CELF2: variants seen among roughly 807,000 people sequenced by gnomAD.
The protein encoded by CELF2 is CUGBP Elav-like family member 2.
CELF2 carries 8 observed loss-of-function variants against 62.6 expected under a neutral mutation model. That is an observed-to-expected ratio of 0.13 (90% CI 0.07 to 0.23). CELF2 has a LOEUF of 0.23. CELF2 is among the 10% of genes least tolerant of loss of function. CELF2 has a pLI of 1.00. For missense variants in CELF2, 333 were observed against 671.0 expected (o/e 0.50, Z 5.56); for synonymous variants, 258 against 250.0 (o/e 1.03, Z -0.30).
intron 2 of CELF2, among the ~76,000 whole-genome samples, chr10:11,166,055 C>G (rs530713035): frequency 6.6e-6 from 1 of 152,232 alleles, no homozygotes; most frequent in Non-Finnish European, 1.5e-5. Context: ...ACTCTTCCCA[C>G]CCCTACGTTC....
chr10:11,279,167 G>A (rs947312907), intron 8 of CELF2, among the ~76,000 whole-genome samples: 9 of 152,216 alleles, frequency 5.9e-5, no homozygotes, highest in African/African-American at 2.2e-4. Flanking sequence ...AGGTTCTGAA[G>A]CTGCGGCGGA....
the CELF2 span, among the ~76,000 whole-genome samples, chr10:10,746,660 T>C: frequency 4.3e-4 from 66 of 152,194 alleles, no homozygotes; most frequent in African/African-American, 1.5e-3. Context: ...CTTGATTTGG[T>C]GGAAACCTGT....
chr10:10,658,881 A>G, the CELF2 span, among the ~76,000 whole-genome samples: 1 of 152,148 alleles, frequency 6.6e-6, no homozygotes, highest in African/African-American at 2.4e-5. Context: ...GAGAATATCT[A>G]GGTCTTTTTT....
rs906051389 is a variant in CELF2 at position 11,270,033 on chromosome 10, G to A, written c.619-633G>A. On this transcript the variant is annotated intron_variant, in intron 6 of 12. Coordinates refer to ENST00000633077, the MANE Select transcript of CELF2 (RefSeq NM_001326342.2). This position sits in a 1 kb window ranked among gnomAD's most constrained non-coding sequence, Gnocchi z 5.8. ...TAGCACAGGTGTGCTGAGGGAAGAG[G>A]CCTCTCTGAAAACGTGAACGGTTAC... 3.3e-5 allele frequency among the ~76,000 whole-genome samples: 5 copies of A among 152,150 alleles called. No individual in the cohort carries two copies. The highest frequency in any genetic ancestry group is 1.2e-4 in the African/African-American group (5 of 41,426).
At chr10:10,533,846 G>A in the CELF2 span, among the ~76,000 whole-genome samples, 10 of 152,274 alleles carry the variant, frequency 6.6e-5, 1 homozygote, top group South Asian at 1.9e-3. Flanking sequence ...GAGAGCTGAG[G>A]CACACAGATA....
chr10:10,481,638 A>T, the CELF2 span, among the ~76,000 whole-genome samples: 8 of 152,366 alleles, frequency 5.3e-5, no homozygotes, highest in Admixed American at 4.6e-4. Context: ...TTTGAATGAC[A>T]TATGACATTA....
chr10:11,009,069 A>G (rs933241113), intron 1 of CELF2, among the ~76,000 whole-genome samples: 2 of 145,384 alleles, frequency 1.4e-5, no homozygotes, highest in Non-Finnish European at 1.5e-5. Flanking sequence ...TTGTTCCTGG[A>G]TATGGGATTC....
At chr10:10,497,131 G>A in the CELF2 span, among the ~76,000 whole-genome samples, 31 of 151,406 alleles carry the variant, frequency 2.0e-4, no homozygotes, top group African/African-American at 7.3e-4. Context: ...GTTGCAATGA[G>A]CCGAGATCGC....
chr10:11,318,619 C>G lies in CELF2; in HGVS notation c.1097-2570C>G. On this transcript the variant is annotated intron_variant, in intron 10 of 12. Transcript: ENST00000633077. The surrounding 1 kb of genome is among the most constrained non-coding windows in gnomAD (Gnocchi z 5.4). ...TGTCACTGGCTGGAGCTCCAAGCCT[C>G]ACAATACCCTCTGAAACATCCATCC... is the stretch of plus-strand genomic sequence containing the variant. The G allele has an allele frequency of 2.6e-6, 1 of 382,066 alleles. No individual in the cohort carries two copies. The allele number at this position is 382,066 out of a possible 1,614,324, so 23.7% of individuals were successfully genotyped here.
At chr10:11,050,860 C>A (rs1015713888) in intron 1 of CELF2, among the ~76,000 whole-genome samples, 1 of 152,184 alleles carries the variant, frequency 6.6e-6, no homozygotes, top group Non-Finnish European at 1.5e-5. Flanking sequence ...AGCACAGGCC[C>A]TCTCCTCCCC....
At chr10:10,643,690 C>T in the CELF2 span, among the ~76,000 whole-genome samples, 3 of 152,076 alleles carry the variant, frequency 2.0e-5, no homozygotes, top group Non-Finnish European at 4.4e-5. Flanking sequence ...TAAATATTGA[C>T]CTCTATAGAG....
intron 1 of CELF2, among the ~76,000 whole-genome samples, chr10:11,073,287 C>T (rs2070745560): frequency 6.6e-6 from 1 of 152,152 alleles, no homozygotes; most frequent in Non-Finnish European, 1.5e-5. Context: ...TCTAGGAAGG[C>T]TTTTTATTAT....
chr10:11,158,354 C>T (rs1368603731), intron 1 of CELF2, among the ~76,000 whole-genome samples: 3 of 152,120 alleles, frequency 2.0e-5, no homozygotes, highest in African/African-American at 4.8e-5. Flanking sequence ...GTCCCTAAAG[C>T]GCTTTGGGAA....
the CELF2 span, among the ~76,000 whole-genome samples, chr10:10,541,433 A>C: frequency 6.6e-6 from 1 of 152,074 alleles, no homozygotes; most frequent in Admixed American, 6.5e-5. Context: ...TAAAGGAAAA[A>C]AGAATGGCTA....
At chr10:10,704,631 G>A in the CELF2 span, among the ~76,000 whole-genome samples, 2 of 152,082 alleles carry the variant, frequency 1.3e-5, no homozygotes, top group African/African-American at 2.4e-5. Flanking sequence ...GGAGTCTCCC[G>A]TTTCTCTAGG....
chr10:10,813,284 G>A (rs138387377), intron 1 of CELF2, among the ~76,000 whole-genome samples: 244 of 152,302 alleles, frequency 1.6e-3, no homozygotes, highest in African/African-American at 5.8e-3. Context: ...GTCCTGCAGG[G>A]CTGAAGATTG....
At chr10:10,464,472 T>A in the CELF2 span, among the ~76,000 whole-genome samples, 12 of 152,282 alleles carry the variant, frequency 7.9e-5, no homozygotes, top group African/African-American at 2.2e-4. Flanking sequence ...ATTTTATCAT[T>A]CTATTCTCAA....
intron 2 of CELF2, among the ~76,000 whole-genome samples, chr10:10,965,672 A>G (rs1000315960): frequency 1.3e-5 from 2 of 152,230 alleles, no homozygotes; most frequent in African/African-American, 2.4e-5. Context: ...AAAGTGGGAT[A>G]TAAGAGCACA....
the CELF2 span, among the ~76,000 whole-genome samples, chr10:10,567,659 C>T: frequency 6.6e-6 from 1 of 152,098 alleles, no homozygotes; most frequent in East Asian, 1.9e-4. Flanking sequence ...AATGCTCAGG[C>T]GTCGATGCCT....
Sources: allele counts gnomAD v4.1 joint callset (sites outside exome capture counted in the v4.1 genomes callset), GRCh38; gene constraint gnomAD v4.1.1; non-coding constraint Gnocchi (gnomAD v3.1); transcripts MANE v1.5; gene names NCBI Gene and HGNC (gene_info 2026-07-23, HGNC 2026-07-21).